B4GALT6: variants seen among roughly 807,000 people sequenced by gnomAD.
B4GALT6 encodes beta-1,4-galactosyltransferase 6, also known as UDP-Gal:beta-GlcNAc beta-1,4-galactosyltransferase 6.
Under a neutral mutation model 46.3 loss-of-function variants are expected in B4GALT6, and 14 were observed. That is an observed-to-expected ratio of 0.30 (90% CI 0.20 to 0.47). The LOEUF is 0.47. Ranked by LOEUF, B4GALT6 falls within the 20% of genes least tolerant of loss-of-function variation. The pLI, the probability that B4GALT6 is intolerant of heterozygous loss-of-function variation, is 0.99. For missense variants in B4GALT6, 386 were observed against 480.1 expected (o/e 0.80, Z 1.83); for synonymous variants, 168 against 162.0 (o/e 1.04, Z -0.28).
upstream of B4GALT6, among the ~76,000 whole-genome samples, chr18:31,687,604 T>C (rs570428806): frequency 2.7e-4 from 41 of 152,312 alleles, no homozygotes; most frequent in African/African-American, 9.9e-4. Context: ...TTTAATGCCA[T>C]TAAAAAGATC....
At chr18:31,656,758 A>G (rs2074145371) in intron 3 of B4GALT6, among the ~76,000 whole-genome samples, 1 of 152,158 alleles carries the variant, frequency 6.6e-6, no homozygotes, top group South Asian at 2.1e-4. Context: ...GAAGCCTGGG[A>G]ATGTGAAAAG....
chr18:31,683,129 T>C (rs1316725387), intron 1 of B4GALT6, among the ~76,000 whole-genome samples: 2 of 152,192 alleles, frequency 1.3e-5, no homozygotes, highest in Non-Finnish European at 1.5e-5. Context: ...AATCCAAAAA[T>C]TAATTATTAA....
At chr18:31,685,721 A>T (rs796547870), upstream of B4GALT6, 2 of 152,194 alleles carry the variant, frequency 1.3e-5, no homozygotes, top group African/African-American at 4.8e-5. Context: ...ATAATGAAGG[A>T]TGCTGTACCT....
chr18:31,658,278 C>T (rs1203956436), intron 2 of B4GALT6, 189 bp from the exon 3 acceptor site: 8 of 504,040 alleles, frequency 1.6e-5, no homozygotes, highest in East Asian at 1.3e-4. Context: ...AGCATGATTT[C>T]CCAAGAGACA....
intron 3 of B4GALT6, among the ~76,000 whole-genome samples, chr18:31,648,473 C>A (rs1453102365): frequency 6.6e-6 from 1 of 152,154 alleles, no homozygotes; most frequent in Non-Finnish European, 1.5e-5. Flanking sequence ...AGGTGAAGGA[C>A]AGGGAACTCA....
the B4GALT6 span, among the ~76,000 whole-genome samples, chr18:31,703,040 T>G: frequency 2.1e-4 from 32 of 152,326 alleles, no homozygotes; most frequent in Non-Finnish European, 1.8e-4. Context: ...TGCATTCTCT[T>G]TTTTACTGTT....
the B4GALT6 span, among the ~76,000 whole-genome samples, chr18:31,708,649 G>C: frequency 6.6e-6 from 1 of 151,992 alleles, no homozygotes; most frequent in Non-Finnish European, 1.5e-5. Flanking sequence ...AAAGTAGAAA[G>C]CTGGAAGGGG....
chr18:31,645,434 AT>A lies in B4GALT6; in HGVS notation c.391del (p.Ile131PhefsTer9). On this transcript the variant is annotated frameshift_variant, in exon 4 of 9. Transcript: ENST00000306851. LOFTEE classifies it high-confidence loss of function. ...VNVSEVSFDEIHQLFSKDLDI... is the reference protein window; with the variant it reads ...VNVSEVSFDEXHQLFSKDLDI... The stretch of plus-strand genomic sequence containing the variant: ...TAAATCCTTGGAGAAGAGTTGATGA[AT>A]TTCATCAAAACTGACTTCGCTTACA... 1 of 1,613,724 alleles carries A rather than the reference AT, an allele frequency of 6.2e-7. No homozygotes were observed. Among genetic ancestry groups the A allele is most frequent in the Non-Finnish European group, 8.5e-7 (1 of 1,179,900 alleles).
At chr18:31,669,892 A>G (rs1289558498) in intron 1 of B4GALT6, among the ~76,000 whole-genome samples, 1 of 152,216 alleles carries the variant, frequency 6.6e-6, no homozygotes, top group Non-Finnish European at 1.5e-5. Context: ...ACCTGCCACA[A>G]AGTACTAGAA....
the B4GALT6 span, among the ~76,000 whole-genome samples, chr18:31,710,872 G>A: frequency 8.8e-6 from 1 of 114,246 alleles, no homozygotes; most frequent in Non-Finnish European, 1.9e-5. Context: ...ATCTTTTAAG[G>A]ATTAGGTGAT....
Position 31,642,218 on chromosome 18 carries a change from C to T in B4GALT6, c.471+3137G>A, listed in dbSNP as rs2073938772. ...TAGAGATGGGGGTCTCATTCTATAG[C>T]CCAGGCTGGAGTACAGTGGTGTGAT... On this transcript the variant is annotated intron_variant, in intron 4 of 8. Transcript: ENST00000306851. 2.6e-5 allele frequency among the ~76,000 whole-genome samples: 4 copies of T among 152,130 alleles called. No individual in the cohort carries two copies. The South Asian group carries it at 8.3e-4, about 32-fold the overall frequency.
intron 1 of B4GALT6, among the ~76,000 whole-genome samples, chr18:31,681,862 C>G (rs2074483694): frequency 6.6e-6 from 1 of 152,160 alleles, no homozygotes; most frequent in Admixed American, 6.5e-5. Context: ...GTACTTACAA[C>G]ATACATTTTA....
chr18:31,674,624 C>T (rs1447130548), intron 1 of B4GALT6, among the ~76,000 whole-genome samples: 1 of 152,122 alleles, frequency 6.6e-6, no homozygotes, highest in Non-Finnish European at 1.5e-5. Flanking sequence ...GTTTCTGATG[C>T]TGAAAATTTT....
At chr18:31,675,536 T>C (rs2074405537) in intron 1 of B4GALT6, among the ~76,000 whole-genome samples, 1 of 152,222 alleles carries the variant, frequency 6.6e-6, no homozygotes, top group South Asian at 2.1e-4. Context: ...AAAAGATAAC[T>C]ATCAGCCTTG....
chr18:31,694,338 A>T, the B4GALT6 span, among the ~76,000 whole-genome samples: 1 of 152,248 alleles, frequency 6.6e-6, no homozygotes, highest in South Asian at 2.1e-4. Context: ...ATCAGTACAT[A>T]TAAAAAAGAC....
Position 31,622,992 on chromosome 18 carries a change from T to TA in B4GALT6, c.*2621dup, listed in dbSNP as rs1376882365. ...GTTTCTTGACTTTGAGACTAGGAAATACAACAGATAAGTTATCAGAAGATG... is the reference window on the plus strand; with the variant it reads ...GTTTCTTGACTTTGAGACTAGGAAATAACAACAGATAAGTTATCAGAAGATG... On this transcript the variant is annotated 3_prime_UTR_variant, in exon 9 of 9. Transcript: ENST00000306851. 6.6e-6 allele frequency: 1 copy of TA among 152,058 alleles called. No individual in the cohort carries two copies. Among genetic ancestry groups the TA allele is most frequent in the Non-Finnish European group, 1.5e-5 (1 of 67,910 alleles). The allele number at this position is 152,058 out of a possible 1,614,324, so 9.4% of individuals were successfully genotyped here. A position where few individuals can be genotyped will look rare whatever the true frequency, so the allele number is the denominator to read the frequency against.
intron 3 of B4GALT6, among the ~76,000 whole-genome samples, chr18:31,656,573 C>T: frequency 6.6e-6 from 1 of 151,228 alleles, no homozygotes; most frequent in South Asian, 2.1e-4. Flanking sequence ...ATATTACACA[C>T]AAAGGTTAAA....
intron 4 of B4GALT6, among the ~76,000 whole-genome samples, chr18:31,639,269 G>A (rs1256727994): frequency 6.6e-6 from 1 of 152,092 alleles, no homozygotes; most frequent in African/African-American, 2.4e-5. Context: ...AGTAAGGGAG[G>A]GGAATGTATC....
chr18:31,642,791 TCTC>T (rs1460309292), intron 4 of B4GALT6, among the ~76,000 whole-genome samples: 1 of 152,182 alleles, frequency 6.6e-6, no homozygotes, highest in African/African-American at 2.4e-5. Context: ...TTCAAGCAAT[TCTC>T]CTGCCTCAGC....
Sources: allele counts gnomAD v4.1 joint callset (sites outside exome capture counted in the v4.1 genomes callset), GRCh38; gene constraint gnomAD v4.1.1; transcripts MANE v1.5; gene names NCBI Gene and HGNC (gene_info 2026-07-23, HGNC 2026-07-21).